DLX1: variants seen among roughly 807,000 people sequenced by gnomAD.
DLX1 encodes homeobox protein DLX-1.
A neutral mutation model predicts 25.0 loss-of-function variants in DLX1; 7 were observed. The observed-to-expected ratio is 0.28, with a 90% CI of 0.16 to 0.52. The LOEUF (loss-of-function observed/expected upper bound fraction) is 0.52, where lower values mean the gene tolerates loss of function less well. DLX1 is among the 20% of genes least tolerant of loss of function. The pLI is 0.96. For synonymous variants in DLX1, 155 were observed against 140.3 expected, an observed-to-expected ratio of 1.10 and a Z score of -0.74; for missense variants, 233 against 334.4, an observed-to-expected ratio of 0.70 and a Z score of 2.37.
intron 1 of DLX1, 189 bp from the exon 2 acceptor site, chr2:172,086,465 A>G (rs1242638835): frequency 3.5e-6 from 2 of 570,096 alleles, no homozygotes; most frequent in African/African-American, 3.8e-5. Context: ...GAACGGCTCT[A>G]TCCCTCCTGC....
At chr2:172,087,877 G>GAGCT (rs1690875119) in intron 2 of DLX1, 126 bp from the exon 3 acceptor site, 1 of 1,317,716 alleles carries the variant, frequency 7.6e-7, no homozygotes, top group Admixed American at 2.3e-5. Context: ...CTCTGGCAGG[G>GAGCT]AGCTGCCAGC....
Position 172,088,226 on chromosome 2 carries a change from A to G in DLX1, c.737A>G (p.Gln246Arg), listed in dbSNP as rs1690897872. 1 of 1,559,096 alleles carries G rather than the reference A, an allele frequency of 6.4e-7. No individual in the cohort carries two copies. Among genetic ancestry groups the G allele is most frequent in the Non-Finnish European group, 8.7e-7 (1 of 1,152,512 alleles). Residue 246 changes from glutamine (Q) to arginine (R), a missense_variant, in exon 3 of 3, where the codon CAA (glutamine) becomes CGA (arginine). By Grantham distance (43) the Gln-to-Arg change is conservative. This residue lies in a region of DLX1 where 84 missense variants were observed against 81.8 expected (regional missense o/e 1.03). Coordinates refer to ENST00000361725, the MANE Select transcript of DLX1 (RefSeq NM_178120.5). ...SYTSWYPSAH[Q>R]EAMQQPQLM ...ACATCGTGGTACCCTTCAGCGCACC[A>G]AGAAGCTATGCAGCAACCCCAACTT...
chr2:172,087,216 AATCACTC>A (rs1230808642), intron 2 of DLX1: 30 of 442,204 alleles, frequency 6.8e-5, no homozygotes, highest in Non-Finnish European at 1.1e-4. Flanking sequence ...TTGTGTGACT[AATCACTC>A]GGGGCCTGGG....
In DLX1 at chr2:172,086,263, C is replaced by G. The variant is rs866300489; in HGVS notation, c.313+273C>G. On this transcript the variant is annotated intron_variant, in intron 1 of 2. Transcript: ENST00000361725. ...GCGTCTCCTGGCACTGGCTGGGCCT[C>G]TGGGCGGCTCGGTGTGCAGAGCACA... The G allele has an allele frequency of 3.4e-5, 18 of 531,206 alleles. No individual in the cohort carries two copies. In the Middle Eastern group the frequency reaches 1.4e-3, roughly 42 times the overall value. 32.9% of individuals were successfully genotyped at this position (531,206 alleles called of 1,614,324 possible).
At position 172,085,648 on chromosome 2, in the gene DLX1, A is replaced by T. The variant is rs753246824; in HGVS notation, c.-30A>T. The stretch of plus-strand genomic sequence containing the variant: ...CCCCAAAAGGGAAGCAGAGGAGAGA[A>T]AGTCCCACACCCAGACCCCGCGAGA... On this transcript the variant is annotated 5_prime_UTR_variant, in exon 1 of 3. Coordinates refer to ENST00000361725, the MANE Select transcript of DLX1 (RefSeq NM_178120.5). The surrounding 1 kb of genome is among the most constrained non-coding windows in gnomAD (Gnocchi z 4.3). The T allele has an allele frequency of 1.9e-6, 3 of 1,591,094 alleles. No homozygotes were observed. In the Admixed American group the frequency reaches 5.3e-5, roughly 28 times the overall value.
At chr2:172,086,552 G>C (rs747389130) in intron 1 of DLX1, 102 bp from the exon 2 acceptor site, 2 of 1,161,114 alleles carry the variant, frequency 1.7e-6, no homozygotes, top group Non-Finnish European at 2.4e-6. Context: ...TCTCTCCCTG[G>C]TGCTGCCTCC....
chr2:172,086,176 C>A, intron 1 of DLX1, 186 bp downstream of exon 1: 1 of 616,498 alleles, frequency 1.6e-6, no homozygotes, highest in Non-Finnish European at 2.7e-6. Flanking sequence ...CTTGTCACAG[C>A]AAATAAATTT....
At position 172,086,724 on chromosome 2, in the gene DLX1, C is replaced by T. The variant is rs1690845095; in HGVS notation, c.384C>T (p.Ile128=). 2.5e-6 allele frequency: 4 copies of T among 1,589,532 alleles called. No individual in the cohort carries two copies. The highest frequency in any genetic ancestry group is 2.2e-5 in the East Asian group (1 of 44,528). Residue 128 remains isoleucine, a synonymous_variant, in exon 2 of 3, where the codon ATC becomes ATT. Transcript: ENST00000361725. Reference sequence around the variant, plus strand: ...GCTTCAATGGCAAGGGAAAAAAGATCCGTAAACCCAGGACGATTTATTCCA... The same window carrying T: ...GCTTCAATGGCAAGGGAAAAAAGATTCGTAAACCCAGGACGATTTATTCCA... ...EVRFNGKGKK[I]RKPRTIYSSL...
Position 172,085,936 on chromosome 2 carries a change from G to T in DLX1, c.259G>T (p.Val87Leu). ...CGCATCCAGCCCCTACATCAGTTCG[G>T]TGCAGTCCTACCCGGGCAGCGCCAG... ...SHASSPYISSVQSYPGSASLA... is the reference protein window; with the variant it reads ...SHASSPYISSLQSYPGSASLA... Residue 87 changes from valine (V) to leucine (L), a missense_variant, in exon 1 of 3, where the codon GTG (valine) becomes TTG (leucine). This residue lies in a region of DLX1 where 126 missense variants were observed against 170.4 expected (regional missense o/e 0.74). Coordinates refer to ENST00000361725, the MANE Select transcript of DLX1 (RefSeq NM_178120.5). The surrounding 1 kb of genome is among the most constrained non-coding windows in gnomAD (Gnocchi z 4.3). 4 of 1,614,118 alleles carry T rather than the reference G, an allele frequency of 2.5e-6. No homozygotes were observed. Among genetic ancestry groups the T allele is most frequent in the Non-Finnish European group, 3.4e-6 (4 of 1,180,022 alleles).
intron 1 of DLX1, 63 bp downstream of exon 1, chr2:172,086,053 C>A (rs543563570): frequency 1.9e-4 from 210 of 1,109,680 alleles, no homozygotes; most frequent in Non-Finnish European, 2.4e-4. Context: ...AAAGAAGGAG[C>A]GGGGGAGAAG....
Position 172,088,735 on chromosome 2 carries a change from T to G in DLX1, c.*478T>G. 6.5e-6 allele frequency: 1 copy of G among 153,322 alleles called. No homozygotes were observed. Among genetic ancestry groups the G allele is most frequent in the African/African-American group, 2.4e-5 (1 of 41,612 alleles). The allele number at this position is 153,322 out of a possible 1,614,324, so 9.5% of individuals were successfully genotyped here. A position where few individuals can be genotyped will look rare whatever the true frequency, so the allele number is the denominator to read the frequency against. Reference sequence around the variant, plus strand: ...GGCCTCAGCAAAAAGCCACAAGGTCTGAGCGGCCCGGGTCCTGCCGGGCTG... The same window carrying G: ...GGCCTCAGCAAAAAGCCACAAGGTCGGAGCGGCCCGGGTCCTGCCGGGCTG... On this transcript the variant is annotated 3_prime_UTR_variant, in exon 3 of 3. Transcript: ENST00000361725.
Position 172,086,858 on chromosome 2 carries a change from C to T in DLX1, c.513+5C>T. ...TTGGGACTCACACAGACTCAGGTACCTCGCCGCTGCCGCTCCGTTCTGCCA... is the reference window on the plus strand; with the variant it reads ...TTGGGACTCACACAGACTCAGGTACTTCGCCGCTGCCGCTCCGTTCTGCCA... On this transcript the variant is annotated splice_donor_5th_base_variant and intron_variant, in intron 2 of 2. Coordinates refer to ENST00000361725, the MANE Select transcript of DLX1 (RefSeq NM_178120.5). The T allele has an allele frequency of 6.2e-7, 1 of 1,614,196 alleles. No homozygotes were observed. The highest frequency in any genetic ancestry group is 8.5e-7 in the Non-Finnish European group (1 of 1,180,006).
intron 1 of DLX1, chr2:172,086,263 C>T (rs866300489): frequency 3.8e-6 from 2 of 531,324 alleles, no homozygotes. Context: ...GGCTGGGCCT[C>T]TGGGCGGCTC....
chr2:172,086,259 G>A, intron 1 of DLX1: 1 of 535,052 alleles, frequency 1.9e-6, no homozygotes, highest in Non-Finnish European at 3.3e-6. Flanking sequence ...CACTGGCTGG[G>A]CCTCTGGGCG....
At position 172,085,922 on chromosome 2, in the gene DLX1, C is replaced by T; in HGVS notation, c.245C>T (p.Pro82Leu). Residue 82 changes from proline (P) to leucine (L), a missense_variant, in exon 1 of 3, where the codon CCC becomes CTC. By Grantham distance (98) the Pro-to-Leu change is moderately conservative. Around this residue, in one of 3 missense-constraint regions of DLX1, gnomAD observed 126 missense variants for 170.4 expected, o/e 0.74. Coordinates refer to ENST00000361725, the MANE Select transcript of DLX1 (RefSeq NM_178120.5). The surrounding 1 kb of genome is among the most constrained non-coding windows in gnomAD (Gnocchi z 4.3). ...VNSVSSHASS[P>L]YISSVQSYPG... is the part of the protein sequence containing the mutation. ...TCGGTCAGCAGCCACGCATCCAGCC[C>T]CTACATCAGTTCGGTGCAGTCCTAC... The T allele has an allele frequency of 1.2e-6, 2 of 1,614,182 alleles. No homozygotes were observed. Among genetic ancestry groups the T allele is most frequent in the Non-Finnish European group, 1.7e-6 (2 of 1,180,038 alleles).
Position 172,088,370 on chromosome 2 carries a change from G to T in DLX1, c.*113G>T. 1 of 1,318,690 alleles carries T rather than the reference G, an allele frequency of 7.6e-7. No homozygotes were observed. Among genetic ancestry groups the T allele is most frequent in the South Asian group, 1.9e-5 (1 of 51,420 alleles). The allele number at this position is 1,318,690 out of a possible 1,614,324, so 81.7% of individuals were successfully genotyped here. A position where few individuals can be genotyped will look rare whatever the true frequency, so the allele number is the denominator to read the frequency against. On this transcript the variant is annotated 3_prime_UTR_variant, in exon 3 of 3. Coordinates refer to ENST00000361725, the MANE Select transcript of DLX1 (RefSeq NM_178120.5). ...AGAGGGAAGAAGGAACAGTGGAGGC[G>T]GGACGCCCTCCATCTCCTCGGAGCC... is the stretch of plus-strand genomic sequence containing the variant.
intron 2 of DLX1, 49 bp downstream of exon 2, chr2:172,086,902 G>A (rs992515679): frequency 1.5e-5 from 24 of 1,596,534 alleles, no homozygotes; most frequent in East Asian, 2.2e-5. Context: ...TTCCGCGGCC[G>A]GCCTGCGCCC....
Position 172,085,866 on chromosome 2 carries a change from C to T in DLX1, c.189C>T (p.Phe63=). Residue 63 remains phenylalanine (F), a synonymous_variant, in exon 1 of 3, where the codon TTC becomes TTT. Coordinates refer to ENST00000361725, the MANE Select transcript of DLX1 (RefSeq NM_178120.5). This position sits in a 1 kb window ranked among gnomAD's most constrained non-coding sequence, Gnocchi z 4.3. ...PDGAYSSASS[F]SRPLGYPYVN... ...GCGCCTACAGCTCAGCCTCGTCCTT[C>T]TCCCGACCGCTGGGCTACCCCTACG... The T allele has an allele frequency of 1.2e-6, 2 of 1,614,244 alleles. No individual in the cohort carries two copies. Among genetic ancestry groups the T allele is most frequent in the African/African-American group, 1.3e-5 (1 of 75,064 alleles).
chr2:172,086,084 AAG>A (rs1470498352), intron 1 of DLX1, 94 bp downstream of exon 1: 7 of 554,352 alleles, frequency 1.3e-5, no homozygotes, highest in Non-Finnish European at 1.9e-5. Flanking sequence ...GAGAGAGAGA[AAG>A]AGAAGAGAGG....
Sources: gnomAD v4.1 joint callset for allele counts on GRCh38, gnomAD v4.1.1 for gene constraint, gnomAD v4.1.1 regional missense constraint, Gnocchi (gnomAD v3.1) non-coding constraint, MANE v1.5 for transcripts, NCBI Gene and HGNC (gene_info 2026-07-23, HGNC 2026-07-21) for gene names.